Variants in PCDHB15 observed in about 807,000 individuals in gnomAD.
The protein encoded by PCDHB15 is protocadherin beta 15.
For missense variants in PCDHB15, 1,032 were observed against 991.7 expected (o/e 1.04, Z -0.55); for synonymous variants, 492 against 447.9 (o/e 1.10, Z -1.24).
At position 141,247,332 on chromosome 5, in the gene PCDHB15, T is replaced by C. The variant is rs200613205; in HGVS notation, c.1754T>C (p.Leu585Pro). The C allele has an allele frequency of 4.4e-3, 7,142 of 1,607,538 alleles. 23 individuals carry two copies. The highest frequency in any genetic ancestry group is 0.019 in the Middle Eastern group (82 of 4,428). Reference sequence around the variant, plus strand: ...CCCCGGGCGGCCGAGCCGGGCTACCTGGTGACCAAGGTGGTGGCGGTGGAC... The same window carrying C: ...CCCCGGGCGGCCGAGCCGGGCTACCCGGTGACCAAGGTGGTGGCGGTGGAC... ...LVPRAAEPGYLVTKVVAVDGD... is the reference protein window; with the variant it reads ...LVPRAAEPGYPVTKVVAVDGD... The change falls in exon 1 of 1, where the codon CTG (leucine) becomes CCG (proline). Residue 585 changes from leucine to proline, a missense_variant. Coordinates refer to ENST00000231173, the MANE Select transcript of PCDHB15 (RefSeq NM_018935.4).
chr5:141,247,703 G>C lies in PCDHB15; in HGVS notation c.2125G>C (p.Val709Leu). The C allele has an allele frequency of 6.2e-7, 1 of 1,612,478 alleles. No homozygotes were observed. Among genetic ancestry groups the C allele is most frequent in the Non-Finnish European group, 8.5e-7 (1 of 1,179,968 alleles). Residue 709 changes from valine to leucine, a missense_variant, in exon 1 of 1, where the codon GTG becomes CTG. Val to Leu is a conservative substitution (Grantham distance 32). Transcript: ENST00000231173. ...CTTCCTCTTCTCGGTGTTCCTGTTC[G>C]TGGCAGTGCGGCTGTGCAGGAGGAG... Reference protein sequence around the residue: ...SLFLFSVFLFVAVRLCRRSRA... With the variant: ...SLFLFSVFLFLAVRLCRRSRA...
chr5:141,247,426 C>A lies in PCDHB15; in HGVS notation c.1848C>A (p.Gly616=). Residue 616 remains glycine (G), a synonymous_variant, in exon 1 of 1, where the codon GGC becomes GGA. Transcript: ENST00000231173. ...LLKATEPGLF[G]VWAHNGEVRT... Reference sequence around the variant, plus strand: ...AGGCCACGGAGCCCGGGCTGTTCGGCGTGTGGGCGCACAATGGCGAGGTGC... The same window carrying A: ...AGGCCACGGAGCCCGGGCTGTTCGGAGTGTGGGCGCACAATGGCGAGGTGC... 6.2e-7 allele frequency: 1 copy of A among 1,606,268 alleles called. No individual in the cohort carries two copies. The highest frequency in any genetic ancestry group is 1.1e-5 in the South Asian group (1 of 90,936).
chr5:141,247,939 A>C lies in PCDHB15; in HGVS notation c.2361A>C (p.Glu787Asp), dbSNP rs1554292369. ...CTAGGAGGAAATCAGAATTTCTAGA[A>C]TAATGTAGGTATCTGTAGCTTTCCG... is the stretch of plus-strand genomic sequence containing the variant. ...QDSRRKSEFLE is the reference protein window; with the variant it reads ...QDSRRKSEFLD Residue 787 changes from glutamate (E) to aspartate (D), a missense_variant, in exon 1 of 1, where the codon GAA (glutamate) becomes GAC (aspartate). Coordinates refer to ENST00000231173, the MANE Select transcript of PCDHB15 (RefSeq NM_018935.4). The C allele has an allele frequency of 1.3e-6, 2 of 1,595,096 alleles. No individual in the cohort carries two copies. Among genetic ancestry groups the C allele is most frequent in the Admixed American group, 1.7e-5 (1 of 57,384 alleles).
In PCDHB15 at chr5:141,247,194, C is replaced by A. The variant is rs782417963; in HGVS notation, c.1616C>A (p.Pro539Gln). 6.2e-7 allele frequency: 1 copy of A among 1,612,752 alleles called. No individual in the cohort carries two copies. Among genetic ancestry groups the A allele is most frequent in the South Asian group, 1.1e-5 (1 of 91,008 alleles). ...FRVGATDRGF[P>Q]ALSSEALVRV... ...GTGGGCGCCACAGACCGCGGCTTCC[C>A]GGCGCTGAGCAGCGAGGCGCTGGTG... is the stretch of plus-strand genomic sequence containing the variant. Residue 539 changes from proline (P) to glutamine (Q), a missense_variant, in exon 1 of 1, where the codon CCG becomes CAG. By Grantham distance (76) the Pro-to-Gln change is moderately conservative. Transcript: ENST00000231173.
Position 141,247,891 on chromosome 5 carries a change from C to T in PCDHB15, c.2313C>T (p.Phe771=), listed in dbSNP as rs1445696797. The part of the protein sequence containing the change: ...SNDFKFLKPI[F]PNIVSQDSRR... ...ATTTCAAGTTCTTGAAGCCTATATT[C>T]CCAAATATTGTAAGCCAGGACTCTA... Residue 771 remains phenylalanine (F), a synonymous_variant, in exon 1 of 1, where the codon TTC becomes TTT. Transcript: ENST00000231173. 1.9e-6 allele frequency: 3 copies of T among 1,613,884 alleles called. No individual in the cohort carries two copies. The African/African-American group carries it at 4.0e-5, about 22-fold the overall frequency.
Position 141,247,080 on chromosome 5 carries a change from C to A in PCDHB15, c.1502C>A (p.Thr501Asn). Reference sequence around the variant, plus strand: ...CCCCGGGACCCGCACCTGCCCCTCACCTCCCTGGTCTCCATTAACACGGAC... The same window carrying A: ...CCCCGGGACCCGCACCTGCCCCTCAACTCCCTGGTCTCCATTAACACGGAC... ...LPPRDPHLPLTSLVSINTDNG... is the reference protein window; with the variant it reads ...LPPRDPHLPLNSLVSINTDNG... Residue 501 changes from threonine (T) to asparagine (N), a missense_variant, in exon 1 of 1, where the codon ACC (threonine) becomes AAC (asparagine). Thr to Asn is a moderately conservative substitution (Grantham distance 65). Transcript: ENST00000231173. The A allele has an allele frequency of 1.2e-6, 2 of 1,614,054 alleles. No homozygotes were observed. The highest frequency in any genetic ancestry group is 1.1e-5 in the South Asian group (1 of 91,074).
Position 141,247,563 on chromosome 5 carries a change from T to C in PCDHB15, c.1985T>C (p.Leu662Pro), listed in dbSNP as rs782320619. 1.2e-6 allele frequency: 2 copies of C among 1,609,416 alleles called. No homozygotes were observed. The highest frequency in any genetic ancestry group is 1.1e-5 in the South Asian group (1 of 91,000). Residue 662 changes from leucine to proline, a missense_variant, in exon 1 of 1, where the codon CTG becomes CCG. Leu to Pro is a moderately conservative substitution (Grantham distance 98). Coordinates refer to ENST00000231173, the MANE Select transcript of PCDHB15 (RefSeq NM_018935.4). ...RSATATLQVL[L>P]VDGFSQPYLP... ...GCCACCGCCACGCTGCAAGTGCTCC[T>C]GGTGGACGGCTTCTCTCAGCCCTAC...
In PCDHB15 at chr5:141,246,085, C is replaced by G. The variant is rs1755251492; in HGVS notation, c.507C>G (p.Asn169Lys). ...DLDVGSNNVQ[N>K]YNISPNSHFH... ...ACGTGGGCAGCAATAATGTTCAAAACTACAATATTTCTCCCAATTCTCATT... is the reference window on the plus strand; with the variant it reads ...ACGTGGGCAGCAATAATGTTCAAAAGTACAATATTTCTCCCAATTCTCATT... The change falls in exon 1 of 1, where the codon AAC (asparagine) becomes AAG (lysine). Residue 169 changes from asparagine to lysine, a missense_variant. Physicochemically the swap from Asn to Lys is moderately conservative, Grantham distance 94 (BLOSUM62 0). Transcript: ENST00000231173. The G allele has an allele frequency of 6.2e-7, 1 of 1,614,162 alleles. No homozygotes were observed.
At position 141,248,154 on chromosome 5, in the gene PCDHB15, C is replaced by T; in HGVS notation, c.*212C>T. On this transcript the variant is annotated 3_prime_UTR_variant, in exon 1 of 1. Coordinates refer to ENST00000231173, the MANE Select transcript of PCDHB15 (RefSeq NM_018935.4). ...TTTTATATCAGGAAAGTTCATATTT[C>T]TGAATAAATTAATAGTATTCATTCC... 2.4e-6 allele frequency: 1 copy of T among 411,398 alleles called. No individual in the cohort carries two copies. Among genetic ancestry groups the T allele is most frequent in the Admixed American group, 4.2e-5 (1 of 23,968 alleles). 25.5% of individuals were successfully genotyped at this position (411,398 alleles called of 1,614,324 possible).
At position 141,246,114 on chromosome 5, in the gene PCDHB15, A is replaced by T. The variant is rs375606660; in HGVS notation, c.536A>T (p.His179Leu). The T allele has an allele frequency of 6.2e-7, 1 of 1,614,154 alleles. No homozygotes were observed. The highest frequency in any genetic ancestry group is 8.5e-7 in the Non-Finnish European group (1 of 1,180,030). The change falls in exon 1 of 1, where the codon CAT (histidine) becomes CTT (leucine). Residue 179 changes from histidine (H) to leucine (L), a missense_variant. Physicochemically the swap from His to Leu is moderately conservative, Grantham distance 99. Transcript: ENST00000231173. ...AATATTTCTCCCAATTCTCATTTCC[A>T]TGTTTCCACTCGCACCCGAGGGGAT... Reference protein sequence around the residue: ...NYNISPNSHFHVSTRTRGDGR... With the variant: ...NYNISPNSHFLVSTRTRGDGR...
rs1564027632 is a variant in PCDHB15, at chr5:141,248,429, CA to C, written c.*489del. 1.3e-5 allele frequency: 2 copies of C among 154,278 alleles called. No individual in the cohort carries two copies. Among genetic ancestry groups the C allele is most frequent in the Admixed American group, 1.3e-4 (2 of 15,278 alleles). 9.6% of individuals were successfully genotyped at this position (154,278 alleles called of 1,614,324 possible). On this transcript the variant is annotated 3_prime_UTR_variant, in exon 1 of 1. Coordinates refer to ENST00000231173, the MANE Select transcript of PCDHB15 (RefSeq NM_018935.4). ...GAGTTTTGTTTTTTCCAATAAGGAG[CA>C]ACATGGATAAGTTTAAGCTACTCTT...
At position 141,247,286 on chromosome 5, in the gene PCDHB15, G is replaced by T. The variant is rs1387422474; in HGVS notation, c.1708G>T (p.Ala570Ser). 1.2e-6 allele frequency: 2 copies of T among 1,609,978 alleles called. No homozygotes were observed. Among genetic ancestry groups the T allele is most frequent in the East Asian group, 2.2e-5 (1 of 44,862 alleles). Residue 570 changes from alanine (A) to serine (S), a missense_variant, in exon 1 of 1, where the codon GCG (alanine) becomes TCG (serine). Transcript: ENST00000231173. ...GCTGTACCCGCTGCAGAACGGCTCC[G>T]CGCCCTGCACCGAGCTGGTGCCCCG... Reference protein sequence around the residue: ...FVLYPLQNGSAPCTELVPRAA... With the variant: ...FVLYPLQNGSSPCTELVPRAA...
chr5:141,247,231 G>T lies in PCDHB15; in HGVS notation c.1653G>T (p.Val551=). Residue 551 remains valine, a synonymous_variant, in exon 1 of 1, where the codon GTG becomes GTT. Coordinates refer to ENST00000231173, the MANE Select transcript of PCDHB15 (RefSeq NM_018935.4). ...LSSEALVRVL[V]LDANDNSPFV... is the part of the protein sequence containing the mutation. ...GCGAGGCGCTGGTGCGAGTGCTGGT[G>T]CTGGACGCCAACGACAACTCGCCCT... The T allele has an allele frequency of 6.2e-7, 1 of 1,611,902 alleles. No individual in the cohort carries two copies. Among genetic ancestry groups the T allele is most frequent in the Non-Finnish European group, 8.5e-7 (1 of 1,179,664 alleles).
In PCDHB15 at chr5:141,246,814, G is replaced by T. The variant is rs2149695533; in HGVS notation, c.1236G>T (p.Glu412Asp). 1 of 1,614,174 alleles carries T rather than the reference G, an allele frequency of 6.2e-7. No homozygotes were observed. Among genetic ancestry groups the T allele is most frequent in the Middle Eastern group, 1.7e-4 (1 of 6,056 alleles). ...RLVTEGALDR[E>D]TRAEYNITIT... is the part of the protein sequence containing the mutation. ...TAACAGAAGGGGCGCTGGACAGAGA[G>T]ACCAGAGCCGAGTACAACATCACCA... Residue 412 changes from glutamate (E) to aspartate (D), a missense_variant, in exon 1 of 1, where the codon GAG (glutamate) becomes GAT (aspartate). Transcript: ENST00000231173.
Position 141,245,399 on chromosome 5 carries a change from C to G in PCDHB15, c.-180C>G. 1 of 581,468 alleles carries G rather than the reference C, an allele frequency of 1.7e-6. No homozygotes were observed. The highest frequency in any genetic ancestry group is 2.5e-5 in the South Asian group (1 of 40,346). The allele number at this position is 581,468 out of a possible 1,614,324, so 36.0% of individuals were successfully genotyped here. On this transcript the variant is annotated 5_prime_UTR_variant, in exon 1 of 1. Coordinates refer to ENST00000231173, the MANE Select transcript of PCDHB15 (RefSeq NM_018935.4). Reference sequence around the variant, plus strand: ...TGAAATGCTACTAGCTACTTCAGACCTCTTTCAGCCTAAGAGGAAAGCCTG... The same window carrying G: ...TGAAATGCTACTAGCTACTTCAGACGTCTTTCAGCCTAAGAGGAAAGCCTG...
rs1755233103 is a variant in PCDHB15, at chr5:141,245,499, T to C, written c.-80T>C. On this transcript the variant is annotated 5_prime_UTR_variant, in exon 1 of 1. Transcript: ENST00000231173. ...TCCGAACAGGTTATCAACGCACAGATCGATCACTGCCTCTGTCCCATCGCT... is the reference window on the plus strand; with the variant it reads ...TCCGAACAGGTTATCAACGCACAGACCGATCACTGCCTCTGTCCCATCGCT... 2 of 1,232,322 alleles carry C rather than the reference T, an allele frequency of 1.6e-6. No individual in the cohort carries two copies. Among genetic ancestry groups the C allele is most frequent in the Admixed American group, 4.2e-5 (2 of 47,148 alleles). 76.3% of individuals were successfully genotyped at this position (1,232,322 alleles called of 1,614,324 possible).
chr5:141,246,702 CTG>C lies in PCDHB15; in HGVS notation c.1125_1126del (p.Glu377LysfsTer11). 1 of 1,614,128 alleles carries C rather than the reference CTG, an allele frequency of 6.2e-7. No homozygotes were observed. Among genetic ancestry groups the C allele is most frequent in the Non-Finnish European group, 8.5e-7 (1 of 1,180,022 alleles). ...CTGTTTAGGATTAGAGACCGAGACT[CTG>C]GGGAAAATGGAAAAATGATTTGCTC... On this transcript the variant is annotated frameshift_variant, in exon 1 of 1. Coordinates refer to ENST00000231173, the MANE Select transcript of PCDHB15 (RefSeq NM_018935.4). LOFTEE classifies it low-confidence loss of function (END_TRUNC).
chr5:141,246,926 G>T lies in PCDHB15; in HGVS notation c.1348G>T (p.Ala450Ser), dbSNP rs144325162. The T allele has an allele frequency of 3.8e-4, 609 of 1,613,380 alleles. No homozygotes were observed. The highest frequency in any genetic ancestry group is 8.0e-4 in the Admixed American group (48 of 60,012). The change falls in exon 1 of 1, where the codon GCC (alanine) becomes TCC (serine). Residue 450 changes from alanine (A) to serine (S), a missense_variant. Coordinates refer to ENST00000231173, the MANE Select transcript of PCDHB15 (RefSeq NM_018935.4). ...GTCGGACGTCAATGACAACGCCCCC[G>T]CCTTCACCCAAACCTCCTACACCCT... ...LVSDVNDNAP[A>S]FTQTSYTLFV...
chr5:141,247,450 G>A lies in PCDHB15; in HGVS notation c.1872G>A (p.Val624=). 1 of 1,607,448 alleles carries A rather than the reference G, an allele frequency of 6.2e-7. No homozygotes were observed. Among genetic ancestry groups the A allele is most frequent in the Non-Finnish European group, 8.5e-7 (1 of 1,179,638 alleles). ...GCGTGTGGGCGCACAATGGCGAGGT[G>A]CGCACCGCCAGGCTGCTGAGCGAGC... is the stretch of plus-strand genomic sequence containing the variant. The part of the protein sequence containing the change: ...LFGVWAHNGE[V]RTARLLSERD... The change falls in exon 1 of 1, where the codon GTG becomes GTA. Residue 624 remains valine (V), a synonymous_variant. Transcript: ENST00000231173.
Sources: allele counts gnomAD v4.1 joint callset, GRCh38; gene constraint gnomAD v4.1.1; transcripts MANE v1.5; gene names NCBI Gene and HGNC (gene_info 2026-07-23, HGNC 2026-07-21).